MME: variants seen among roughly 807,000 people sequenced by gnomAD.
MME encodes the protein membrane metalloendopeptidase.
A neutral mutation model predicts 113.2 loss-of-function variants in MME; 98 were observed. That is an observed-to-expected ratio of 0.87 (90% CI 0.74 to 1.02). The LOEUF (loss-of-function observed/expected upper bound fraction) is 1.02. MME is among the 50% of genes least tolerant of loss of function. The pLI, the probability that MME is intolerant of heterozygous loss-of-function variation, is 0.00. For synonymous variants in MME, 292 were observed against 300.6 expected (o/e 0.97, Z 0.30); for missense variants, 836 against 896.0 (o/e 0.93, Z 0.86).
chr3:155,119,410 C>CTTTTTTT (rs781633297), intron 8 of MME, among the ~76,000 whole-genome samples: 1 of 112,294 alleles, frequency 8.9e-6, no homozygotes, highest in African/African-American at 3.2e-5. Context: ...TTCACGTGCT[C>CTTTTTTT]TTTTTTTTTT....
chr3:155,060,768 G>A (rs1257270757), intron 1 of MME, among the ~76,000 whole-genome samples: 1 of 152,100 alleles, frequency 6.6e-6, no homozygotes, highest in African/African-American at 2.4e-5. Flanking sequence ...TTCTTAGTGA[G>A]GGCCCTTTTT....
At chr3:155,064,840 A>G (rs1559897522) in intron 1 of MME, among the ~76,000 whole-genome samples, 1 of 152,180 alleles carries the variant, frequency 6.6e-6, no homozygotes, top group Non-Finnish European at 1.5e-5. Context: ...TCTAGGGGAG[A>G]ATCCTTCCTT....
intron 3 of MME, among the ~76,000 whole-genome samples, chr3:155,093,049 C>T (rs1219392157): frequency 3.3e-5 from 4 of 121,850 alleles, no homozygotes; most frequent in Admixed American, 7.7e-5. Flanking sequence ...AACCCAAAGC[C>T]GTTAAAAAAA....
intron 9 of MME, among the ~76,000 whole-genome samples, chr3:155,139,430 A>G (rs537345880): frequency 6.6e-6 from 1 of 152,328 alleles, no homozygotes; most frequent in Admixed American, 6.5e-5. Context: ...GTTTTCAGTA[A>G]ATGAATAGGT....
intron 18 of MME, 100 bp downstream of exon 18, chr3:155,167,121 CAT>C (rs1053487162): frequency 3.6e-5 from 51 of 1,420,898 alleles, no homozygotes; most frequent in African/African-American, 3.1e-4. Context: ...TTTATTCAAA[CAT>C]GTATCATTTC....
intron 3 of MME, among the ~76,000 whole-genome samples, chr3:155,099,031 A>G (rs1325414167): frequency 6.6e-6 from 1 of 152,168 alleles, no homozygotes; most frequent in Non-Finnish European, 1.5e-5. Flanking sequence ...CAGAGTGGAC[A>G]GTAAGGATTT....
chr3:155,164,410 A>G (rs1464052559), intron 17 of MME, among the ~76,000 whole-genome samples: 1 of 152,172 alleles, frequency 6.6e-6, no homozygotes, highest in Non-Finnish European at 1.5e-5. Flanking sequence ...TATAAACAAC[A>G]GTTGTGATGC....
intron 3 of MME, among the ~76,000 whole-genome samples, chr3:155,102,636 A>G (rs1169763306): frequency 1.3e-5 from 2 of 152,170 alleles, no homozygotes; most frequent in African/African-American, 4.8e-5. Context: ...CAGAACCATA[A>G]AGACAGCTTG....
intron 8 of MME, among the ~76,000 whole-genome samples, chr3:155,132,459 A>G (rs149450909): frequency 6.6e-6 from 1 of 152,164 alleles, no homozygotes; most frequent in Non-Finnish European, 1.5e-5. Flanking sequence ...AACTGCTATT[A>G]TATGGATTTT....
chr3:155,147,494 A>G (rs897374699), intron 15 of MME, among the ~76,000 whole-genome samples: 90 of 152,288 alleles, frequency 5.9e-4, no homozygotes, highest in Non-Finnish European at 1.1e-3. Flanking sequence ...AAGAGTATCA[A>G]GGAAGGGATA....
At chr3:155,126,334 A>G (rs1237113506) in intron 8 of MME, among the ~76,000 whole-genome samples, 6 of 145,858 alleles carry the variant, frequency 4.1e-5, no homozygotes, top group African/African-American at 1.6e-4. Flanking sequence ...CCTATGATAC[A>G]TATTTTTTTT....
At chr3:155,150,367 A>G (rs1396341874) in intron 16 of MME, among the ~76,000 whole-genome samples, 2 of 152,156 alleles carry the variant, frequency 1.3e-5, no homozygotes, top group African/African-American at 2.4e-5. Flanking sequence ...TCTTTTTAAG[A>G]TAGATAATCA....
chr3:155,086,404 G>C (rs1715730031), intron 3 of MME, among the ~76,000 whole-genome samples: 1 of 152,178 alleles, frequency 6.6e-6, no homozygotes, highest in South Asian at 2.1e-4. Flanking sequence ...GCTGGAATTT[G>C]GATTTGAGAT....
chr3:155,147,192 A>G lies in MME; in HGVS notation c.1465A>G (p.Asn489Asp). The G allele has an allele frequency of 6.2e-7, 1 of 1,608,588 alleles. No homozygotes were observed. Among genetic ancestry groups the G allele is most frequent in the African/African-American group, 1.3e-5 (1 of 74,918 alleles). Reference sequence around the variant, plus strand: ...CGGCTATCCTGATGACATTGTTTCAAATGATAACAAACTGAATAATGAGTA... The same window carrying G: ...CGGCTATCCTGATGACATTGTTTCAGATGATAACAAACTGAATAATGAGTA... ...RIGYPDDIVSNDNKLNNEYLE... is the reference protein window; with the variant it reads ...RIGYPDDIVSDDNKLNNEYLE... Residue 489 changes from asparagine to aspartate, a missense_variant, in exon 15 of 23, where the codon AAT (asparagine) becomes GAT (aspartate). Coordinates refer to ENST00000360490, the MANE Select transcript of MME (RefSeq NM_007289.4).
chr3:155,175,142 T>G (rs1712396039), intron 22 of MME, among the ~76,000 whole-genome samples: 3 of 152,076 alleles, frequency 2.0e-5, no homozygotes, highest in Admixed American at 2.0e-4. Flanking sequence ...TTTAAAATTT[T>G]GATGACACAG....
chr3:155,060,675 A>T (rs922411995), intron 1 of MME, among the ~76,000 whole-genome samples: 4 of 151,986 alleles, frequency 2.6e-5, no homozygotes, highest in Admixed American at 2.6e-4. Flanking sequence ...AATTGCCGCA[A>T]TAAATATTTT....
intron 10 of MME, among the ~76,000 whole-genome samples, chr3:155,141,274 C>A (rs1721069820): frequency 6.6e-6 from 1 of 152,114 alleles, no homozygotes; most frequent in Non-Finnish European, 1.5e-5. Context: ...TGACCTAAAC[C>A]ACCAAAGGAA....
Position 155,034,681 on chromosome 3 carries a change from TTAA to T in MME, c.-11+10361_-11+10363del. Among the ~76,000 whole-genome samples the T allele has an allele frequency of 2.0e-5, 3 of 152,290 alleles. No homozygotes were observed. In the South Asian group the frequency reaches 6.2e-4, roughly 32 times the overall value. On this transcript the variant is annotated intron_variant, in intron 1 of 22. Coordinates refer to the MME transcript ENST00000492661. ...ATTTTGAAATAAACCCCCTAGGGTC[TTAA>T]TAAAATATCTAGCAGTCATTACTCG... is the stretch of plus-strand genomic sequence containing the variant.
At chr3:155,035,594 A>T (rs757037836) in intron 1 of MME, among the ~76,000 whole-genome samples, 2 of 152,170 alleles carry the variant, frequency 1.3e-5, no homozygotes, top group Non-Finnish European at 2.9e-5. Flanking sequence ...ATTTGAAGAG[A>T]ACCTGAAAGA....
Sources: allele counts gnomAD v4.1 joint callset (sites outside exome capture counted in the v4.1 genomes callset), GRCh38; gene constraint gnomAD v4.1.1; transcripts MANE v1.5; gene names NCBI Gene and HGNC (gene_info 2026-07-23, HGNC 2026-07-21).